Variants in CACNA1C observed in about 807,000 individuals in gnomAD.
CACNA1C encodes the protein calcium voltage-gated channel subunit alpha1 C.
In CACNA1C, 30 loss-of-function variants were observed where a neutral mutation model predicts 229.0. The ratio of observed to expected loss-of-function variants is 0.13; its 90% confidence interval spans 0.10 to 0.18. The LOEUF is 0.18. CACNA1C is among the 10% of genes least tolerant of loss of function. The pLI, the probability that CACNA1C is intolerant of heterozygous loss-of-function variation, is 1.00. For missense variants in CACNA1C, 1,658 were observed against 2,845.0 expected (o/e 0.58, Z 9.49); for synonymous variants, 1,114 against 1,132.5 (o/e 0.98, Z 0.33).
chr12:2,613,974 T>C (rs2079141716), intron 29 of CACNA1C: 2 of 152,280 alleles, frequency 1.3e-5, no homozygotes, highest in South Asian at 2.1e-4. Context: ...TTTCTGACGA[T>C]GTCTGAGGCA....
At chr12:2,329,967 C>T (rs1020602000) in intron 3 of CACNA1C, among the ~76,000 whole-genome samples, 1 of 152,224 alleles carries the variant, frequency 6.6e-6, no homozygotes, top group African/African-American at 2.4e-5. Flanking sequence ...AGTTGGTTTA[C>T]ATTTAGGGGC....
At position 2,137,078 on chromosome 12, in the gene CACNA1C, G is replaced by C. The variant is rs1049533534; in HGVS notation, c.477+16648G>C. ...GGACCCCACGGCGCCCCGCCCAGGT[G>C]AGAGCAGTCCCCCTCTCGTGCCGAG... On this transcript the variant is annotated intron_variant, in intron 3 of 46. Coordinates refer to ENST00000399655, the MANE Select transcript of CACNA1C (RefSeq NM_000719.7). Among the ~76,000 whole-genome samples the C allele has an allele frequency of 1.1e-4, 17 of 151,398 alleles. 1 individual carries two copies. Among genetic ancestry groups the C allele is most frequent in the Admixed American group, 4.0e-4 (6 of 15,114 alleles).
At chr12:2,349,412 T>G (rs965670750) in intron 3 of CACNA1C, among the ~76,000 whole-genome samples, 2 of 151,886 alleles carry the variant, frequency 1.3e-5, no homozygotes, top group African/African-American at 4.8e-5. Flanking sequence ...GGAATCATCG[T>G]TTTTTTTAAA....
At chr12:2,307,824 G>A (rs1007775028) in intron 3 of CACNA1C, among the ~76,000 whole-genome samples, 34 of 152,266 alleles carry the variant, frequency 2.2e-4, no homozygotes, top group African/African-American at 7.7e-4. Flanking sequence ...ATTCCAAAAG[G>A]CAATGCGGCT....
chr12:2,630,089 C>T lies in CACNA1C; in HGVS notation c.3829-4208C>T, dbSNP rs2089629424. On this transcript the variant is annotated intron_variant, in intron 29 of 46. Transcript: ENST00000399655. This position sits in a 1 kb window ranked among gnomAD's most constrained non-coding sequence, Gnocchi z 5.4. ...TCTGGGCAGCCCGCCCTGCGTGGCT[C>T]TGAGGAGCTGGACAGTAGAGGTTTG... Among the ~76,000 whole-genome samples, 2 of 152,206 alleles carry T rather than the reference C, an allele frequency of 1.3e-5. No homozygotes were observed. The highest frequency in any genetic ancestry group is 2.9e-5 in the Non-Finnish European group (2 of 68,024).
intron 30 of CACNA1C, among the ~76,000 whole-genome samples, chr12:2,637,359 C>T (rs2092900133): frequency 1.3e-5 from 2 of 152,190 alleles, no homozygotes; most frequent in South Asian, 2.1e-4. Context: ...TGGTGTCACT[C>T]GGAGGGCCTA....
intron 8 of CACNA1C, among the ~76,000 whole-genome samples, chr12:2,505,672 G>A (rs1029270438): frequency 6.6e-6 from 1 of 152,134 alleles, no homozygotes; most frequent in Non-Finnish European, 1.5e-5. Context: ...GGTAGAAGTA[G>A]CACGTGGTTG....
chr12:2,507,975 A>G (rs906393813), intron 8 of CACNA1C, among the ~76,000 whole-genome samples: 3 of 152,238 alleles, frequency 2.0e-5, no homozygotes, highest in Admixed American at 2.0e-4. Flanking sequence ...CAGGCACAGA[A>G]GCAATCAGCA....
chr12:2,441,167 C>A (rs1380746590), intron 3 of CACNA1C, among the ~76,000 whole-genome samples: 1 of 152,206 alleles, frequency 6.6e-6, no homozygotes, highest in East Asian at 1.9e-4. Context: ...AGAATTCTTG[C>A]TGGCTTCCAT....
At chr12:2,295,731 A>C (rs776494594) in intron 3 of CACNA1C, among the ~76,000 whole-genome samples, 1 of 152,240 alleles carries the variant, frequency 6.6e-6, no homozygotes, top group Non-Finnish European at 1.5e-5. Flanking sequence ...AGCGTAACCA[A>C]CCTGTGTCTT....
chr12:2,671,638 G>T (rs561073475), intron 38 of CACNA1C, among the ~76,000 whole-genome samples: 2 of 152,288 alleles, frequency 1.3e-5, no homozygotes, highest in South Asian at 2.1e-4. Flanking sequence ...CAGGGTCGAA[G>T]GTTCACTGTC....
intron 13 of CACNA1C, among the ~76,000 whole-genome samples, chr12:2,573,239 G>A (rs947845953): frequency 1.3e-5 from 2 of 151,986 alleles, no homozygotes; most frequent in Non-Finnish European, 2.9e-5. Flanking sequence ...GTAGAGATGG[G>A]GTCTCACTAT....
intron 1 of CACNA1C, among the ~76,000 whole-genome samples, chr12:2,032,903 A>G (rs1025239872): frequency 6.6e-6 from 1 of 152,252 alleles, no homozygotes; most frequent in African/African-American, 2.4e-5. Flanking sequence ...ATAATAACAC[A>G]AGTCAGGAAA....
intron 29 of CACNA1C, among the ~76,000 whole-genome samples, chr12:2,625,449 G>A (rs984397178): frequency 6.6e-6 from 1 of 152,208 alleles, no homozygotes; most frequent in Middle Eastern, 3.2e-3. Context: ...ACCAAAGCCC[G>A]AGGTGCTGCC....
chr12:2,101,849 G>C (rs2283282), intron 1 of CACNA1C, among the ~76,000 whole-genome samples: 83,966 of 151,796 alleles, frequency 0.55, 24,444 homozygotes, highest in Non-Finnish European at 0.64. Context: ...TCTGCTGCCT[G>C]GGAAAGCTGT....
chr12:2,553,505 A>C (rs565611853), intron 10 of CACNA1C, among the ~76,000 whole-genome samples: 1 of 152,372 alleles, frequency 6.6e-6, no homozygotes, highest in South Asian at 2.1e-4. Flanking sequence ...GACTGAAACC[A>C]GTGAGTCGTC....
rs2089055461 is a variant in CACNA1C, at chr12:2,277,362, G to GACAGAC, written c.477+156935_477+156936insGACACA. Reference sequence around the variant, plus strand: ...AGACAGACAGACAGACAGACAGACAGACACACACACACACACACACACACA... The same window carrying GACAGAC: ...AGACAGACAGACAGACAGACAGACAGACAGACACACACACACACACACACACACACA... On this transcript the variant is annotated intron_variant, in intron 3 of 46. Coordinates refer to ENST00000399655, the MANE Select transcript of CACNA1C (RefSeq NM_000719.7). Among the ~76,000 whole-genome samples, 3 of 72,232 alleles carry GACAGAC rather than the reference G, an allele frequency of 4.2e-5. No individual in the cohort carries two copies. In the East Asian group the frequency reaches 1.1e-3, roughly 27 times the overall value. The allele number at this position is 72,232 out of a possible 152,430, so 47.4% of individuals were successfully genotyped here.
In CACNA1C at chr12:2,597,399, C is replaced by T. The variant is rs765538156; in HGVS notation, c.2853+110C>T. On this transcript the variant is annotated intron_variant, in intron 21 of 46. Coordinates refer to ENST00000399655, the MANE Select transcript of CACNA1C (RefSeq NM_000719.7). The surrounding 1 kb of genome is among the most constrained non-coding windows in gnomAD (Gnocchi z 4.3). Reference sequence around the variant, plus strand: ...CTCCTTCCTGTTGGTGTGGGGTTCACTCTCAGAGCCACTAATCCAATTATG... The same window carrying T: ...CTCCTTCCTGTTGGTGTGGGGTTCATTCTCAGAGCCACTAATCCAATTATG... 1.3e-5 allele frequency: 21 copies of T among 1,558,156 alleles called. No homozygotes were observed. Among genetic ancestry groups the T allele is most frequent in the Non-Finnish European group, 1.9e-5 (21 of 1,129,338 alleles).
chr12:2,097,339 G>C (rs890614343), intron 1 of CACNA1C, among the ~76,000 whole-genome samples: 2 of 151,716 alleles, frequency 1.3e-5, no homozygotes, highest in Admixed American at 6.6e-5. Flanking sequence ...GTAGAGACGG[G>C]GTTTCACCAT....
Sources: gnomAD v4.1 joint callset for allele counts (sites outside exome capture counted in the v4.1 genomes callset) on GRCh38, gnomAD v4.1.1 for gene constraint, Gnocchi (gnomAD v3.1) non-coding constraint, MANE v1.5 for transcripts, NCBI Gene and HGNC (gene_info 2026-07-23, HGNC 2026-07-21) for gene names.